Variants in CASD1 observed in about 807,000 individuals in gnomAD.
CASD1 encodes the protein CAS1 domain sialic acid O acetyltransferase 1, also known as N-acetylneuraminate (7)9-O-acetyltransferase.
A neutral mutation model predicts 100.0 loss-of-function variants in CASD1; 41 were observed. The observed-to-expected ratio is 0.41, with a 90% CI of 0.32 to 0.53. CASD1 has a LOEUF of 0.53. Among genes scored for constraint, CASD1 ranks in the 20% least tolerant of loss-of-function variants. The probability of loss-of-function intolerance (pLI) is 0.25; values close to 1 mark genes in which losing one functional copy is unlikely to be tolerated. For missense variants in CASD1, 774 were observed against 948.7 expected (o/e 0.82, Z 2.42); for synonymous variants, 321 against 315.6 (o/e 1.02, Z -0.18).
At chr7:94,547,941 G>GT (rs911744710) in intron 13 of CASD1, among the ~76,000 whole-genome samples, 83 of 148,792 alleles carry the variant, frequency 5.6e-4, no homozygotes, top group Admixed American at 1.7e-3. Flanking sequence ...TGCCGTTTGG[G>GT]TTTTTTTTTT....
chr7:94,550,476 C>T (rs957790551), intron 14 of CASD1, among the ~76,000 whole-genome samples: 3 of 152,068 alleles, frequency 2.0e-5, no homozygotes, highest in Admixed American at 1.3e-4. Context: ...ACGACTGTCC[C>T]AGTCTATTTA....
the CASD1 span, chr7:94,598,759 C>G: frequency 7.7e-6 from 12 of 1,555,994 alleles, no homozygotes; most frequent in Non-Finnish European, 1.1e-5. Context: ...AATTATGGCT[C>G]TAAGTGGACA....
intron 3 of CASD1, among the ~76,000 whole-genome samples, chr7:94,519,698 G>T (rs1264419396): frequency 2.0e-5 from 3 of 151,888 alleles, no homozygotes; most frequent in African/African-American, 7.2e-5. Flanking sequence ...ATAGAGACGA[G>T]GTCTCACTAT....
the CASD1 span, among the ~76,000 whole-genome samples, chr7:94,616,183 A>C: frequency 3.9e-5 from 6 of 152,136 alleles, no homozygotes; most frequent in Non-Finnish European, 7.4e-5. Flanking sequence ...ACTTAATGAC[A>C]CTTCAGGCAG....
chr7:94,608,079 C>T, the CASD1 span, among the ~76,000 whole-genome samples: 6 of 152,180 alleles, frequency 3.9e-5, no homozygotes, highest in Admixed American at 6.5e-5. Flanking sequence ...TGTGATGGCT[C>T]ACACCTGTAA....
chr7:94,601,122 G>A, the CASD1 span, among the ~76,000 whole-genome samples: 495 of 151,954 alleles, frequency 3.3e-3, 1 homozygote, highest in African/African-American at 0.011. Context: ...CATATTTAAC[G>A]TGTGTGCCTA....
the CASD1 span, among the ~76,000 whole-genome samples, chr7:94,601,443 CAAAAAAAAAAA>C: frequency 2.9e-4 from 26 of 89,336 alleles, no homozygotes; most frequent in South Asian, 1.8e-3. Context: ...ATCCCAGTAT[CAAAAAAAAAAA>C]AAAAAAAAAA....
At chr7:94,626,334 C>T in the CASD1 span, 1 of 152,010 alleles carries the variant, frequency 6.6e-6, no homozygotes, top group Non-Finnish European at 1.5e-5. Context: ...TCTTACTTAA[C>T]AAATCCTTCC....
the CASD1 span, chr7:94,598,870 C>T: frequency 9.9e-6 from 16 of 1,612,582 alleles, no homozygotes; most frequent in African/African-American, 1.3e-4. Context: ...ACACAGGAAG[C>T]GTTGACAGGG....
chr7:94,629,925 G>C, the CASD1 span: 8 of 1,511,788 alleles, frequency 5.3e-6, no homozygotes, highest in Admixed American at 1.2e-4. Context: ...TGTTTATAAA[G>C]AGGGGTCTCA....
Position 94,547,168 on chromosome 7 carries a change from A to G in CASD1, c.1706A>G (p.Tyr569Cys), listed in dbSNP as rs759956763. Residue 569 changes from tyrosine to cysteine, a missense_variant, in exon 13 of 18, where the codon TAT becomes TGT. By Grantham distance (194) the Tyr-to-Cys change is radical (BLOSUM62 -2). Transcript: ENST00000297273. ...CTGTTATTCATATGTTTTTTGGCAT[A>G]TTCTCAGGTTTGTACAATCTTTTCA... Reference protein sequence around the residue: ...FLLLFICFLAYSQGAFEKIFS... With the variant: ...FLLLFICFLACSQGAFEKIFS... The G allele has an allele frequency of 5.7e-6, 9 of 1,580,118 alleles. No homozygotes were observed. The highest frequency in any genetic ancestry group is 7.8e-6 in the Non-Finnish European group (9 of 1,161,198).
At chr7:94,559,308 G>GTGTA (rs1554417427), downstream of CASD1, among the ~76,000 whole-genome samples, 86 of 123,752 alleles carry the variant, frequency 6.9e-4, no homozygotes, top group Middle Eastern at 4.6e-3. Flanking sequence ...GTGTGTGTAT[G>GTGTA]TGTGTGTGTG....
chr7:94,623,090 G>C, the CASD1 span, among the ~76,000 whole-genome samples: 3 of 152,088 alleles, frequency 2.0e-5, no homozygotes, highest in African/African-American at 7.2e-5. Context: ...AAAAGGCTTA[G>C]AGAAATAAGA....
In CASD1 at chr7:94,537,472, A is replaced by G; in HGVS notation, c.844A>G (p.Thr282Ala). 6.3e-7 allele frequency: 1 copy of G among 1,596,064 alleles called. No homozygotes were observed. Among genetic ancestry groups the G allele is most frequent in the Middle Eastern group, 1.7e-4 (1 of 5,932 alleles). Residue 282 changes from threonine to alanine, a missense_variant and splice_region_variant, in exon 9 of 18, where the codon ACT becomes GCT. Around this residue, in one of 5 missense-constraint regions of CASD1, gnomAD observed 453 missense variants for 532.6 expected, o/e 0.85. Transcript: ENST00000297273. ...ACCAAATAACTTGATTTGTTCACAG[A>G]CTGCAATGATTCTTATGAATGTGTA... ...LHLPESSRET[T>A]AMILMNVYCN... is the part of the protein sequence containing the mutation.
At chr7:94,557,638 C>T (rs930535916), downstream of CASD1, among the ~76,000 whole-genome samples, 1 of 152,054 alleles carries the variant, frequency 6.6e-6, no homozygotes, top group Admixed American at 6.6e-5. Context: ...AGGGATGCCG[C>T]AGTGAATATA....
At chr7:94,603,989 A>G in the CASD1 span, among the ~76,000 whole-genome samples, 4 of 152,126 alleles carry the variant, frequency 2.6e-5, no homozygotes, top group Admixed American at 6.6e-5. Flanking sequence ...ACAAACCCCT[A>G]TATGCTTGGT....
the CASD1 span, among the ~76,000 whole-genome samples, chr7:94,584,667 A>T: frequency 6.6e-6 from 1 of 152,214 alleles, no homozygotes; most frequent in Non-Finnish European, 1.5e-5. Context: ...GTCTGCAAGG[A>T]AAGCTGTCCT....
intron 5 of CASD1, 139 bp from the exon 6 acceptor site, chr7:94,533,066 T>C: frequency 2.0e-6 from 1 of 499,774 alleles, no homozygotes; most frequent in South Asian, 4.5e-5. Flanking sequence ...TAATAAGCAA[T>C]AATAATAAGG....
At chr7:94,534,793 C>T (rs1284952293) in intron 7 of CASD1, among the ~76,000 whole-genome samples, 4 of 152,100 alleles carry the variant, frequency 2.6e-5, no homozygotes, top group Non-Finnish European at 5.9e-5. Flanking sequence ...TAACCTTTCT[C>T]ATACCAAAAT....
Sources: allele counts gnomAD v4.1 joint callset (sites outside exome capture counted in the v4.1 genomes callset), GRCh38; gene constraint gnomAD v4.1.1; regional missense constraint gnomAD v4.1.1; transcripts MANE v1.5; gene names NCBI Gene and HGNC (gene_info 2026-07-23, HGNC 2026-07-21).